Variants in WDR17 observed in about 807,000 individuals in gnomAD.
WDR17 encodes WD repeat-containing protein 17.
WDR17 carries 143 observed loss-of-function variants against 161.7 expected under a neutral mutation model. That is an observed-to-expected ratio of 0.88 (90% confidence interval 0.77 to 1.02). The LOEUF is 1.02. Among genes scored for constraint, WDR17 ranks in the 50% least tolerant of loss-of-function variants. The pLI is 0.00. For synonymous variants in WDR17, 517 were observed against 515.6 expected, an observed-to-expected ratio of 1.00 and a Z score of -0.04; for missense variants, 1,469 against 1,520.9, an observed-to-expected ratio of 0.97 and a Z score of 0.57.
At chr4:176,139,529 G>C (rs1395229577) in intron 9 of WDR17, among the ~76,000 whole-genome samples, 4 of 151,916 alleles carry the variant, frequency 2.6e-5, no homozygotes, top group African/African-American at 7.2e-5. Context: ...TTTGGAAGCA[G>C]ATAGATAACT....
Position 176,162,332 on chromosome 4 carries a change from A to G in WDR17, c.2850+158A>G, listed in dbSNP as rs150533217. On this transcript the variant is annotated intron_variant, in intron 21 of 28. Coordinates refer to ENST00000508596, the MANE Select transcript of WDR17 (RefSeq NM_181265.4). ...AATTACATTCCTAATTAGCACACAT[A>G]AACTATGAGCTCTTGTTTTAAGCAC... 2.8e-3 allele frequency among the ~76,000 whole-genome samples: 427 copies of G among 152,308 alleles called. 1 individual carries two copies. The highest frequency in any genetic ancestry group is 9.9e-3 in the African/African-American group (413 of 41,576).
At position 176,125,088 on chromosome 4, in the gene WDR17, C is replaced by T. The variant is rs567027607; in HGVS notation, c.539-16C>T. 6.2e-7 allele frequency: 1 copy of T among 1,610,492 alleles called. No individual in the cohort carries two copies. Among genetic ancestry groups the T allele is most frequent in the East Asian group, 2.2e-5 (1 of 44,836 alleles). ...CTGCAAGTTTTTTGGAAATAATTAT[C>T]TCTGTATTTTAACAGGTAATAAAAA... is the stretch of plus-strand genomic sequence containing the variant. On this transcript the variant is annotated splice_polypyrimidine_tract_variant and intron_variant, in intron 4 of 28. Transcript: ENST00000508596.
intron 21 of WDR17, among the ~76,000 whole-genome samples, 191 bp downstream of exon 21, chr4:176,162,365 C>T (rs543959618): frequency 6.6e-6 from 1 of 152,222 alleles, no homozygotes; most frequent in Non-Finnish European, 1.5e-5. Flanking sequence ...CACACATAGA[C>T]TATGAGCTCT....
At chr4:176,156,258 TAAC>T (rs1748113931) in intron 18 of WDR17, 115 bp downstream of exon 18, 3 of 973,040 alleles carry the variant, frequency 3.1e-6, no homozygotes, top group South Asian at 1.7e-5. Context: ...TTGTCTTAAA[TAAC>T]AATTAAATTT....
rs371250944 is a variant in WDR17, at chr4:176,150,029, T to C, written c.2048-14T>C. 17 of 1,612,892 alleles carry C rather than the reference T, an allele frequency of 1.1e-5. No homozygotes were observed. The African/African-American group carries it at 2.1e-4, about 20-fold the overall frequency. On this transcript the variant is annotated splice_polypyrimidine_tract_variant and intron_variant, in intron 14 of 28. Coordinates refer to ENST00000508596, the MANE Select transcript of WDR17 (RefSeq NM_181265.4). ...TGAGAAATCTTTTCTCACTGAATTA[T>C]GTCTGTTCTTCAGATTATGCTATAG...
intron 1 of WDR17, among the ~76,000 whole-genome samples, chr4:176,075,085 A>G (rs1024767301): frequency 2.6e-5 from 4 of 151,974 alleles, no homozygotes; most frequent in African/African-American, 9.7e-5. Flanking sequence ...AATTAACTAC[A>G]TAGACTTTAT....
At chr4:176,152,294 C>CA (rs397837505) in intron 17 of WDR17, among the ~76,000 whole-genome samples, 1,299 of 72,102 alleles carry the variant, frequency 0.018, 74 homozygotes, top group African/African-American at 0.061. Flanking sequence ...GACCCTATCT[C>CA]AAAAAAAAAA....
chr4:176,119,032 G>A (rs1741110104), intron 3 of WDR17, among the ~76,000 whole-genome samples: 1 of 151,940 alleles, frequency 6.6e-6, no homozygotes, highest in African/African-American at 2.4e-5. Context: ...GATCTGATAT[G>A]TTATATTCCA....
At chr4:176,113,068 A>G (rs972954728) in intron 2 of WDR17, among the ~76,000 whole-genome samples, 7 of 152,020 alleles carry the variant, frequency 4.6e-5, no homozygotes, top group African/African-American at 7.2e-5. Context: ...TGGAACTTCA[A>G]TATAACTCAC....
At chr4:176,117,153 A>G (rs1039040796) in intron 3 of WDR17, among the ~76,000 whole-genome samples, 13 of 151,968 alleles carry the variant, frequency 8.6e-5, no homozygotes, top group African/African-American at 2.9e-4. Context: ...AAGGCTTTCC[A>G]TGAGAAAAAA....
chr4:176,067,225 A>C (rs1000747580), intron 1 of WDR17, among the ~76,000 whole-genome samples: 1 of 152,210 alleles, frequency 6.6e-6, no homozygotes, highest in African/African-American at 2.4e-5. Flanking sequence ...TGGTCTGAGA[A>C]CCTTTCCCCT....
intron 17 of WDR17, among the ~76,000 whole-genome samples, chr4:176,155,545 G>GTTTTTTTTTTTTTTTTTTTT (rs869207103): frequency 1.9e-4 from 20 of 105,236 alleles, no homozygotes; most frequent in East Asian, 5.0e-4. Flanking sequence ...ATTTGTTTGT[G>GTTTTTTTTTTTTTTTTTTTT]TTTTTTTTTT....
At chr4:176,089,531 G>T (rs1286898771) in intron 1 of WDR17, among the ~76,000 whole-genome samples, 1 of 152,068 alleles carries the variant, frequency 6.6e-6, no homozygotes, top group African/African-American at 2.4e-5. Flanking sequence ...TGCTTTGCAT[G>T]TATGAGTGCC....
chr4:176,113,203 A>T (rs67049361), intron 2 of WDR17, among the ~76,000 whole-genome samples: 33,529 of 151,500 alleles, frequency 0.22, 3,857 homozygotes, highest in South Asian at 0.27. Context: ...CCCAAATCCC[A>T]CCTACACAAT....
In WDR17 at chr4:176,142,070, G is replaced by T; in HGVS notation, c.1529+1G>T. 1 of 1,606,488 alleles carries T rather than the reference G, an allele frequency of 6.2e-7. No individual in the cohort carries two copies. Among genetic ancestry groups the T allele is most frequent in the Non-Finnish European group, 8.5e-7 (1 of 1,176,702 alleles). On this transcript the variant is annotated splice_donor_variant, in intron 11 of 28. Coordinates refer to ENST00000508596, the MANE Select transcript of WDR17 (RefSeq NM_181265.4). LOFTEE classifies it high-confidence loss of function. ...GTTGTGATTGGAGCCAAAACAATAA[G>T]TAAGTGGTTTTTTTTCCTGAAATAA...
At chr4:176,135,306 A>G (rs1334915381) in intron 8 of WDR17, 30 bp downstream of exon 8, 3 of 1,605,670 alleles carry the variant, frequency 1.9e-6, no homozygotes, top group Admixed American at 3.3e-5. Flanking sequence ...AATTAGGAAT[A>G]CAATGAAATG....
At position 176,066,079 on chromosome 4, in the gene WDR17, G is replaced by A. The variant is rs1391472625; in HGVS notation, c.-7G>A. The A allele has an allele frequency of 2.0e-5, 3 of 152,474 alleles. No individual in the cohort carries two copies. The highest frequency in any genetic ancestry group is 7.2e-5 in the African/African-American group (3 of 41,470). 9.4% of individuals were successfully genotyped at this position (152,474 alleles called of 1,614,324 possible). A position where few individuals can be genotyped will look rare whatever the true frequency, so the allele number is the denominator to read the frequency against. Reference sequence around the variant, plus strand: ...GCCGCTGCAGCCGCCTCCTCCTCCAGGTAAGAAGCCGGTGGGGCCGCAGAG... The same window carrying A: ...GCCGCTGCAGCCGCCTCCTCCTCCAAGTAAGAAGCCGGTGGGGCCGCAGAG... On this transcript the variant is annotated splice_region_variant and 5_prime_UTR_variant, in exon 1 of 29. Transcript: ENST00000508596.
chr4:176,094,597 GA>G (rs1468376891), intron 1 of WDR17, among the ~76,000 whole-genome samples: 12 of 152,172 alleles, frequency 7.9e-5, no homozygotes, highest in Non-Finnish European at 1.8e-4. Flanking sequence ...ATATATTTCG[GA>G]AATACATTGA....
intron 1 of WDR17, among the ~76,000 whole-genome samples, chr4:176,101,458 G>A (rs1396867276): frequency 6.6e-6 from 1 of 152,088 alleles, no homozygotes; most frequent in East Asian, 1.9e-4. Flanking sequence ...GACAGATAAA[G>A]CATCAGAACC....
Sources: gnomAD v4.1 joint callset for allele counts (sites outside exome capture counted in the v4.1 genomes callset) on GRCh38, gnomAD v4.1.1 for gene constraint, MANE v1.5 for transcripts, NCBI Gene and HGNC (gene_info 2026-07-23, HGNC 2026-07-21) for gene names.